Variants in MAK observed in about 807,000 individuals in gnomAD.
The protein encoded by MAK is male germ cell associated kinase, also known as serine/threonine-protein kinase MAK.
MAK carries 65 observed loss-of-function variants against 82.6 expected under a neutral mutation model. The ratio of observed to expected loss-of-function variants is 0.79; its 90% confidence interval spans 0.64 to 0.97. MAK has a LOEUF of 0.97. Among genes scored for constraint, MAK ranks in the 50% least tolerant of loss-of-function variants. The probability of loss-of-function intolerance (pLI) is 0.00; values close to 1 mark genes in which losing one functional copy is unlikely to be tolerated. For synonymous variants in MAK, 250 were observed against 274.2 expected (o/e 0.91, Z 0.87); for missense variants, 703 against 780.2 (o/e 0.90, Z 1.18).
At chr6:10,768,369 C>T (rs553166886) in intron 14 of MAK, among the ~76,000 whole-genome samples, 24 of 151,966 alleles carry the variant, frequency 1.6e-4, no homozygotes, top group African/African-American at 4.8e-4. Context: ...TTTGAGGTCA[C>T]GAGTTCAAGA....
At chr6:10,783,231 T>C (rs1581667419) in intron 11 of MAK, among the ~76,000 whole-genome samples, 1 of 152,222 alleles carries the variant, frequency 6.6e-6, no homozygotes, top group South Asian at 2.1e-4. Flanking sequence ...TTAGATTAAA[T>C]TGAATTGAAA....
At chr6:10,810,097 C>CAAAAAAAAAAA (rs1289360594) in intron 5 of MAK, among the ~76,000 whole-genome samples, 2 of 35,954 alleles carry the variant, frequency 5.6e-5, no homozygotes, top group Non-Finnish European at 5.0e-5. Flanking sequence ...GACACTGTCT[C>CAAAAAAAAAAA]AAAAAAAAAA....
At chr6:10,832,937 TA>T (rs1778912541) in intron 1 of MAK, among the ~76,000 whole-genome samples, 1 of 152,256 alleles carries the variant, frequency 6.6e-6, no homozygotes, top group Admixed American at 6.5e-5. Context: ...TGACTTGCTT[TA>T]TTGCAATATT....
At chr6:10,837,759 G>A (rs1158693086) in intron 1 of MAK, among the ~76,000 whole-genome samples, 2 of 152,124 alleles carry the variant, frequency 1.3e-5, no homozygotes, top group Non-Finnish European at 2.9e-5. Flanking sequence ...CCGCACTCTC[G>A]ACCTGTCCCT....
intron 2 of MAK, among the ~76,000 whole-genome samples, chr6:10,823,469 G>GA (rs1156479125): frequency 6.6e-6 from 1 of 152,122 alleles, no homozygotes; most frequent in African/African-American, 2.4e-5. Context: ...TGCCCACTCT[G>GA]AAAATTAAGA....
intron 8 of MAK, among the ~76,000 whole-genome samples, chr6:10,798,944 C>T (rs975805145): frequency 6.6e-6 from 1 of 151,982 alleles, no homozygotes; most frequent in Non-Finnish European, 1.5e-5. Flanking sequence ...ATCCTTCTGC[C>T]TCAGCCTCCC....
intron 8 of MAK, among the ~76,000 whole-genome samples, chr6:10,796,624 G>A (rs1370947023): frequency 6.6e-6 from 1 of 152,102 alleles, no homozygotes; most frequent in Non-Finnish European, 1.5e-5. Flanking sequence ...CGACCAACAT[G>A]GTGAAACCCA....
chr6:10,825,067 G>A (rs772092410), intron 2 of MAK, among the ~76,000 whole-genome samples: 1 of 152,128 alleles, frequency 6.6e-6, no homozygotes, highest in Non-Finnish European at 1.5e-5. Context: ...AGGACTTCTG[G>A]GGAAGAATTA....
At chr6:10,773,147 G>A (rs1262654962) in intron 12 of MAK, 39 bp from the exon 13 acceptor site, 3 of 1,122,926 alleles carry the variant, frequency 2.7e-6, no homozygotes, top group East Asian at 5.2e-5. Context: ...ATAATAGTAA[G>A]GAGAATGTTA....
chr6:10,807,782 G>A (rs1473332477), intron 6 of MAK, among the ~76,000 whole-genome samples: 3 of 151,776 alleles, frequency 2.0e-5, no homozygotes, highest in African/African-American at 4.8e-5. Context: ...ACATGTTATC[G>A]GCCGGGCCCG....
At chr6:10,813,130 ATATAAATTTT>A (rs1777163681) in intron 5 of MAK, among the ~76,000 whole-genome samples, 5 of 772 alleles carry the variant, frequency 6.5e-3, no homozygotes, top group Non-Finnish European at 0.011. Flanking sequence ...ATATATATAT[ATATAAATTTT>A]TTTTTTTTTT....
At chr6:10,785,604 C>G (rs926968153) in intron 10 of MAK, among the ~76,000 whole-genome samples, 1 of 152,224 alleles carries the variant, frequency 6.6e-6, no homozygotes, top group Admixed American at 6.5e-5. Context: ...GGGAACAGTC[C>G]CGCCATTTCT....
At chr6:10,807,044 G>A (rs894171534) in intron 6 of MAK, among the ~76,000 whole-genome samples, 1 of 151,996 alleles carries the variant, frequency 6.6e-6, no homozygotes, top group African/African-American at 2.4e-5. Context: ...TGGCCAGCAG[G>A]TCCAAGTCAC....
chr6:10,791,239 G>T (rs1260941681), intron 10 of MAK, among the ~76,000 whole-genome samples: 2 of 152,024 alleles, frequency 1.3e-5, no homozygotes, highest in Non-Finnish European at 2.9e-5. Flanking sequence ...GTGTTTTGTG[G>T]AAGGCACCAA....
chr6:10,837,135 T>G (rs1284326210), intron 1 of MAK, among the ~76,000 whole-genome samples: 3 of 152,350 alleles, frequency 2.0e-5, no homozygotes, highest in Non-Finnish European at 4.4e-5. Flanking sequence ...CGTGGCTTTC[T>G]AGAACATATT....
chr6:10,775,296 C>A, intron 12 of MAK, 32 bp downstream of exon 12: 1 of 1,608,692 alleles, frequency 6.2e-7, no homozygotes, highest in Admixed American at 1.7e-5. Context: ...AAGGAAAACC[C>A]CGTACATGTA....
intron 4 of MAK, among the ~76,000 whole-genome samples, chr6:10,816,837 A>T (rs1475543956): frequency 6.6e-6 from 1 of 152,202 alleles, no homozygotes; most frequent in Non-Finnish European, 1.5e-5. Context: ...AACTATAAAG[A>T]CTAAGTATCC....
intron 2 of MAK, among the ~76,000 whole-genome samples, chr6:10,819,668 A>G (rs1018357213): frequency 4.6e-5 from 7 of 152,212 alleles, no homozygotes; most frequent in Middle Eastern, 3.4e-3. Context: ...TTTCATCCCA[A>G]TGTTGGTTTC....
intron 8 of MAK, chr6:10,797,604 G>A: frequency 1.0e-6 from 1 of 985,232 alleles, no homozygotes; most frequent in Non-Finnish European, 1.2e-6. Context: ...TTCCCTTATT[G>A]GCATCAAATA....
Sources: gnomAD v4.1 joint callset for allele counts (sites outside exome capture counted in the v4.1 genomes callset) on GRCh38, gnomAD v4.1.1 for gene constraint, MANE v1.5 for transcripts, NCBI Gene and HGNC (gene_info 2026-07-23, HGNC 2026-07-21) for gene names.